RYR1: variants seen among roughly 807,000 people sequenced by gnomAD.
RYR1 encodes central core disease of muscle.
In RYR1, 342 loss-of-function variants were observed where a neutral mutation model predicts 583.5. The observed-to-expected ratio is 0.59, with a 90% confidence interval of 0.54 to 0.64. The LOEUF (loss-of-function observed/expected upper bound fraction) is 0.64, where lower values mean the gene tolerates loss of function less well. Ranked by LOEUF, RYR1 falls within the 30% of genes least tolerant of loss-of-function variation. RYR1 has a pLI of 0.00. For missense variants in RYR1, 6,032 were observed against 6,917.2 expected, an observed-to-expected ratio of 0.87 and a Z score of 4.54; for synonymous variants, 2,791 against 2,822.5, an observed-to-expected ratio of 0.99 and a Z score of 0.35.
Position 38,433,740 on chromosome 19 carries a change from A to ACCCCCCCCCCCCCCCCC in RYR1, c.-86_-85insCCCCCCCCCCCCCCCCC. 1 of 705,102 alleles carries ACCCCCCCCCCCCCCCCC rather than the reference A, an allele frequency of 1.4e-6. No homozygotes were observed. Among genetic ancestry groups the ACCCCCCCCCCCCCCCCC allele is most frequent in the Non-Finnish European group, 2.6e-6 (1 of 386,430 alleles). The allele number at this position is 705,102 out of a possible 1,614,324, so 43.7% of individuals were successfully genotyped here. ...CCTCTGGTGTCTCCAGAGGTCTCCG[A>ACCCCCCCCCCCCCCCCC]CCCCAGCCCGCCCCCAGCCCTCCCG... On this transcript the variant is annotated 5_prime_UTR_variant, in exon 1 of 106. Transcript: ENST00000359596.
At position 38,440,884 on chromosome 19, in the gene RYR1, G is replaced by A. The variant is rs776713134; in HGVS notation, c.165+20G>A. 1.9e-6 allele frequency: 3 copies of A among 1,606,292 alleles called. No homozygotes were observed. Among genetic ancestry groups the A allele is most frequent in the South Asian group, 2.2e-5 (2 of 90,584 alleles). Reference sequence around the variant, plus strand: ...GCGCAGGTCTGTGCAGGAGGGAGAGGGGCCTGGGGACAGGGGCGTCTGAAG... The same window carrying A: ...GCGCAGGTCTGTGCAGGAGGGAGAGAGGCCTGGGGACAGGGGCGTCTGAAG... On this transcript the variant is annotated intron_variant, in intron 2 of 105. Coordinates refer to ENST00000359596, the MANE Select transcript of RYR1 (RefSeq NM_000540.3).
chr19:38,457,672 A>C, intron 17 of RYR1, 42 bp downstream of exon 17: 12 of 1,599,406 alleles, frequency 7.5e-6, no homozygotes, highest in South Asian at 1.1e-5. Flanking sequence ...AGAACCTCTC[A>C]ACCCTCTCCC....
intron 83 of RYR1, chr19:38,537,044 T>C (rs1328746187): frequency 1.7e-6 from 1 of 571,758 alleles, no homozygotes; most frequent in Middle Eastern, 4.7e-4. Context: ...CTAGAGAACA[T>C]GGTAAAGATC....
In RYR1 at chr19:38,535,879, C is replaced by T. The variant is rs986871134; in HGVS notation, c.11517-118C>T. 51 of 857,138 alleles carry T rather than the reference C, an allele frequency of 6.0e-5. 1 individual carries two copies. Among genetic ancestry groups the T allele is most frequent in the South Asian group, 3.6e-4 (25 of 69,758 alleles). 53.1% of individuals were successfully genotyped at this position (857,138 alleles called of 1,614,324 possible). A position where few individuals can be genotyped will look rare whatever the true frequency, so the allele number is the denominator to read the frequency against. The stretch of plus-strand genomic sequence containing the variant: ...CATTTCTGCTTCCTCTTGATTTCAG[C>T]GCATAGATGGTTTACTGTGGCTCTC... On this transcript the variant is annotated intron_variant, in intron 81 of 105. Transcript: ENST00000359596.
rs199636890 is a variant in RYR1 at position 38,502,680 on chromosome 19, C to T, written c.7788C>T (p.Thr2596=). The T allele has an allele frequency of 2.5e-4, 409 of 1,608,666 alleles. 3 individuals carry two copies. In the East Asian group the frequency reaches 8.5e-3, roughly 33 times the overall value. Residue 2596 remains threonine (T), a synonymous_variant, in exon 48 of 106, where the codon ACC becomes ACT. Transcript: ENST00000359596. ...VYRLSRGRSL[T]KAQRDVIEDC... is the part of the protein sequence containing the mutation. ...GCCTGTCTCGGGGTCGTTCGCTCAC[C>T]AAGGCGCAGCGTGACGTCATCGAGG...
chr19:38,561,038 CTTA>C lies in RYR1; in HGVS notation c.12283-74_12283-72del. 8.2e-7 allele frequency: 1 copy of C among 1,217,660 alleles called. No homozygotes were observed. The highest frequency in any genetic ancestry group is 1.2e-6 in the Non-Finnish European group (1 of 862,694). 75.4% of individuals were successfully genotyped at this position (1,217,660 alleles called of 1,614,324 possible). On this transcript the variant is annotated intron_variant, in intron 89 of 105. Transcript: ENST00000359596. This position sits in a 1 kb window ranked among gnomAD's most constrained non-coding sequence, Gnocchi z 4.8. ...CCTGGGCGACACAGCGAGACCTTGT[CTTA>C]AAAAAAAAAAAAAAAAGAGAGAGAA...
rs763259167 is a variant in RYR1, at chr19:38,525,377, G to T, written c.10501G>T (p.Asp3501Tyr). The change falls in exon 71 of 106, where the codon GAC (aspartate) becomes TAC (tyrosine). Residue 3501 changes from aspartate to tyrosine, a missense_variant. Physicochemically the swap from Asp to Tyr is radical, Grantham distance 160. This residue lies in a region of RYR1 where 1,493 missense variants were observed against 1,715.5 expected (regional missense o/e 0.87). Coordinates refer to ENST00000359596, the MANE Select transcript of RYR1 (RefSeq NM_000540.3). The part of the protein sequence containing the change: ...QERTKKKRRG[D>Y]RYSVQTSLIV... ...ACGCACCAAGAAGAAGCGCCGGGGG[G>T]ACCGGTACTCTGTGCAGACGTCACT... The T allele has an allele frequency of 3.7e-6, 6 of 1,613,970 alleles. No homozygotes were observed. Among genetic ancestry groups the T allele is most frequent in the Non-Finnish European group, 5.1e-6 (6 of 1,179,972 alleles).
In RYR1 at chr19:38,561,050, A is replaced by C; in HGVS notation, c.12283-63A>C. Reference sequence around the variant, plus strand: ...AGCGAGACCTTGTCTTAAAAAAAAAAAAAAAAAGAGAGAGAATTGAGGCTC... The same window carrying C: ...AGCGAGACCTTGTCTTAAAAAAAAACAAAAAAAGAGAGAGAATTGAGGCTC... On this transcript the variant is annotated intron_variant, in intron 89 of 105. Transcript: ENST00000359596. The surrounding 1 kb of genome is among the most constrained non-coding windows in gnomAD (Gnocchi z 4.8). 6.9e-7 allele frequency: 1 copy of C among 1,451,134 alleles called. No homozygotes were observed. The highest frequency in any genetic ancestry group is 2.4e-5 in the East Asian group (1 of 41,842). 89.9% of individuals were successfully genotyped at this position (1,451,134 alleles called of 1,614,324 possible). A position where few individuals can be genotyped will look rare whatever the true frequency, so the allele number is the denominator to read the frequency against.
intron 25 of RYR1, among the ~76,000 whole-genome samples, chr19:38,468,276 A>G (rs965984497): frequency 2.0e-5 from 3 of 151,640 alleles, no homozygotes; most frequent in Non-Finnish European, 4.4e-5. Context: ...GCATCCATCC[A>G]TGCATTCAAC....
chr19:38,472,433 C>T (rs1968472112), intron 27 of RYR1, among the ~76,000 whole-genome samples: 6 of 152,118 alleles, frequency 3.9e-5, no homozygotes, highest in Admixed American at 3.9e-4. Flanking sequence ...AACACAGGTT[C>T]AGTTGCTCAT....
At chr19:38,489,128 G>A in intron 34 of RYR1, 49 bp from the exon 35 acceptor site, 2 of 1,542,488 alleles carry the variant, frequency 1.3e-6, no homozygotes, top group Non-Finnish European at 1.8e-6. Flanking sequence ...AGGGCCTGAT[G>A]ATGGAGGCCT....
At chr19:38,585,895 C>G (rs745735527) in intron 102 of RYR1, 43 bp from the exon 103 acceptor site, 1 of 1,613,206 alleles carries the variant, frequency 6.2e-7, no homozygotes, top group Non-Finnish European at 8.5e-7. Flanking sequence ...GGAGTCTGAA[C>G]CAGGTCAGAG....
chr19:38,483,192 T>A lies in RYR1; in HGVS notation c.4707+79T>A. ...GGGGAGGCCAGGCGGGCAGAGCCAC[T>A]GAAGGGGAGGGGGCAATCCAAGAGG... On this transcript the variant is annotated intron_variant, in intron 32 of 105. Transcript: ENST00000359596. The surrounding 1 kb of genome is among the most constrained non-coding windows in gnomAD (Gnocchi z 6.3). The A allele has an allele frequency of 6.3e-7, 1 of 1,595,184 alleles. No homozygotes were observed. The highest frequency in any genetic ancestry group is 1.1e-5 in the South Asian group (1 of 90,422).
intron 34 of RYR1, among the ~76,000 whole-genome samples, chr19:38,488,168 C>A (rs1014161561): frequency 1.3e-5 from 2 of 152,046 alleles, no homozygotes; most frequent in Non-Finnish European, 2.9e-5. Context: ...CATCCCCCCA[C>A]CCTCATGGCT....
intron 72 of RYR1, 156 bp from the exon 73 acceptor site, chr19:38,527,491 T>A: frequency 2.1e-6 from 2 of 951,888 alleles, no homozygotes; most frequent in Admixed American, 2.2e-5. Context: ...GCCTGGGTGA[T>A]GGGGCGAGGC....
At chr19:38,474,667 T>C (rs7246023) in intron 28 of RYR1, among the ~76,000 whole-genome samples, 29,859 of 145,062 alleles carry the variant, frequency 0.21, 4,876 homozygotes, top group African/African-American at 0.46. Context: ...CTCCGCCTCC[T>C]GGGTTCAAGC....
intron 94 of RYR1, 147 bp downstream of exon 94, chr19:38,570,840 T>C: frequency 1.4e-6 from 1 of 721,480 alleles, no homozygotes; most frequent in South Asian, 1.5e-5. Flanking sequence ...GCTGGACACC[T>C]GGATCCTGGG....
intron 80 of RYR1, 30 bp from the exon 81 acceptor site, chr19:38,535,286 G>T: frequency 6.2e-7 from 1 of 1,613,622 alleles, no homozygotes; most frequent in Non-Finnish European, 8.5e-7. Context: ...GTGACTCCCA[G>T]TTTCTCCTCC....
intron 102 of RYR1, 57 bp from the exon 103 acceptor site, chr19:38,585,881 G>T (rs187378759): frequency 1.2e-5 from 19 of 1,601,580 alleles, no homozygotes; most frequent in Non-Finnish European, 1.6e-5. Context: ...TAGCTGGAGA[G>T]GGGGGAGTCT....
Sources: allele counts gnomAD v4.1 joint callset (sites outside exome capture counted in the v4.1 genomes callset), GRCh38; gene constraint gnomAD v4.1.1; regional missense constraint gnomAD v4.1.1; non-coding constraint Gnocchi (gnomAD v3.1); transcripts MANE v1.5; gene names NCBI Gene and HGNC (gene_info 2026-07-23, HGNC 2026-07-21).